The following MPP7 variants were observed in gnomAD, a reference collection of about 807,000 sequenced individuals.
MPP7 encodes the protein MAGUK p55 scaffold protein 7.
Under a neutral mutation model 76.5 loss-of-function variants are expected in MPP7, and 60 were observed. That is an observed-to-expected ratio of 0.78 (90% CI 0.64 to 0.97). MPP7 has a LOEUF of 0.97. Ranked by LOEUF, MPP7 falls within the 50% of genes least tolerant of loss-of-function variation. The probability of loss-of-function intolerance (pLI) is 0.00; values close to 1 mark genes in which losing one functional copy is unlikely to be tolerated. For synonymous variants in MPP7, 237 were observed against 244.5 expected (o/e 0.97, Z 0.29); for missense variants, 641 against 694.0 (o/e 0.92, Z 0.86).
chr10:28,325,975 CAAAA>C (rs71281552), intron 2 of MPP7, among the ~76,000 whole-genome samples: 6 of 96,372 alleles, frequency 6.2e-5, no homozygotes, highest in Admixed American at 1.2e-4. Flanking sequence ...GACCTCATCT[CAAAA>C]AAAAAAAAAA....
intron 3 of MPP7, among the ~76,000 whole-genome samples, chr10:28,156,869 C>T (rs911991650): frequency 2.0e-5 from 3 of 152,152 alleles, no homozygotes; most frequent in Non-Finnish European, 4.4e-5. Context: ...CAGAATGAAA[C>T]CCTCACACAA....
intron 2 of MPP7, among the ~76,000 whole-genome samples, chr10:28,213,122 G>A (rs1838197422): frequency 6.6e-6 from 1 of 151,812 alleles, no homozygotes. Flanking sequence ...AATTTTTTTT[G>A]TAGTGACAGG....
chr10:28,182,184 C>A (rs1332145669), intron 3 of MPP7, among the ~76,000 whole-genome samples: 1 of 151,038 alleles, frequency 6.6e-6, no homozygotes. Context: ...ATAACCAAAG[C>A]AAAAAAAATA....
intron 2 of MPP7, among the ~76,000 whole-genome samples, chr10:28,316,796 C>G (rs1253303861): frequency 1.3e-5 from 2 of 152,210 alleles, no homozygotes; most frequent in Admixed American, 6.5e-5. Context: ...AAGTTTTCAG[C>G]AGCTCTTTCC....
chr10:28,279,667 T>C (rs566554797), intron 1 of MPP7, among the ~76,000 whole-genome samples: 1 of 150,574 alleles, frequency 6.6e-6, no homozygotes, highest in East Asian at 2.0e-4. Context: ...ATTGCGTCAC[T>C]GCACTCCAAC....
Position 28,148,777 on chromosome 10 carries a change from C to A in MPP7, c.234+1205G>T, listed in dbSNP as rs185352718. On this transcript the variant is annotated intron_variant, in intron 4 of 16. Transcript: ENST00000683449. ...TGGTTTATCATATTTATATAGCAGT[C>A]TCTAACTTTTTATAAAGGAATATTT... Among the ~76,000 whole-genome samples the A allele has an allele frequency of 6.5e-3, 990 of 152,182 alleles. 5 individuals carry two copies. The highest frequency in any genetic ancestry group is 9.9e-3 in the Non-Finnish European group (671 of 67,994).
intron 11 of MPP7, among the ~76,000 whole-genome samples, chr10:28,109,272 A>G (rs1358453294): frequency 6.6e-6 from 1 of 152,200 alleles, no homozygotes; most frequent in African/African-American, 2.4e-5. Flanking sequence ...TGGGCAACAG[A>G]GTGAGACTCC....
At chr10:28,161,015 T>C (rs529103419) in intron 3 of MPP7, among the ~76,000 whole-genome samples, 1 of 152,348 alleles carries the variant, frequency 6.6e-6, no homozygotes, top group Admixed American at 6.5e-5. Flanking sequence ...TTCATGCTTT[T>C]CATGCTGGCT....
chr10:28,273,994 T>A lies in MPP7; in HGVS notation c.-132+28867A>T, dbSNP rs376592401. Among the ~76,000 whole-genome samples, 11 of 152,106 alleles carry A rather than the reference T, an allele frequency of 7.2e-5. No homozygotes were observed. In the East Asian group the frequency reaches 1.6e-3, roughly 22 times the overall value. On this transcript the variant is annotated intron_variant, in intron 1 of 16. Coordinates refer to ENST00000683449, the MANE Select transcript of MPP7 (RefSeq NM_001318170.2). ...ACAAACAAAGGCTGGGCACGGTGGC[T>A]TATGCCTATAATCCCAGCACTTTGA...
upstream of MPP7, chr10:28,305,437 C>A (rs752421756): frequency 1.3e-5 from 2 of 151,798 alleles, no homozygotes; most frequent in Non-Finnish European, 2.9e-5. Context: ...TTAAGCCAAT[C>A]ATCAGGAATG....
At chr10:28,300,949 G>GAA (rs71523600) in intron 1 of MPP7, among the ~76,000 whole-genome samples, 21 of 108,540 alleles carry the variant, frequency 1.9e-4, no homozygotes, top group African/African-American at 3.1e-4. Context: ...CTCCACCTCA[G>GAA]AAAAAAAAAA....
intron 3 of MPP7, among the ~76,000 whole-genome samples, chr10:28,169,093 G>A (rs1836587837): frequency 6.6e-6 from 1 of 152,080 alleles, no homozygotes; most frequent in African/African-American, 2.4e-5. Context: ...GAGACTCTAT[G>A]ATAAAACTTG....
chr10:28,334,344 A>C (rs1834496937), intron 1 of MPP7: 1 of 152,222 alleles, frequency 6.6e-6, no homozygotes, highest in African/African-American at 2.4e-5. Context: ...GATATTATAC[A>C]TAAGAATAAC....
chr10:28,271,730 C>A (rs1327275917), intron 1 of MPP7, among the ~76,000 whole-genome samples: 1 of 152,150 alleles, frequency 6.6e-6, no homozygotes, highest in Admixed American at 6.5e-5. Context: ...AATCCCAGCA[C>A]TTTGGGAGGC....
At chr10:28,154,756 G>A (rs1490563034) in intron 3 of MPP7, among the ~76,000 whole-genome samples, 3 of 143,340 alleles carry the variant, frequency 2.1e-5, no homozygotes, top group African/African-American at 7.7e-5. Context: ...GGGGGGTGGT[G>A]GGGAAACTTG....
chr10:28,237,371 C>A (rs79453598), intron 2 of MPP7, among the ~76,000 whole-genome samples: 3,423 of 152,146 alleles, frequency 0.022, 61 homozygotes, highest in Middle Eastern at 0.048. Flanking sequence ...GGTCTGGCTT[C>A]CAAGTTAAGG....
At chr10:28,143,579 A>ATTAGGACCTCAATCGTGTGC (rs1564655549) in intron 5 of MPP7, among the ~76,000 whole-genome samples, 3 of 142,596 alleles carry the variant, frequency 2.1e-5, no homozygotes, top group Non-Finnish European at 4.9e-5. Context: ...GTGTATTCCT[A>ATTAGGACCTCAATCGTGTGC]TCTTTGTGGA....
At chr10:28,292,972 G>C (rs992260443) in intron 1 of MPP7, among the ~76,000 whole-genome samples, 12 of 143,304 alleles carry the variant, frequency 8.4e-5, no homozygotes, top group African/African-American at 2.6e-5. Context: ...GTTTGCCATA[G>C]AAGAAAATAC....
intron 13 of MPP7, 118 bp from the exon 14 acceptor site, chr10:28,059,861 A>T (rs556328961): frequency 4.3e-6 from 3 of 695,308 alleles, no homozygotes; most frequent in African/African-American, 1.8e-5. Context: ...AAATGTATTT[A>T]AAAAGCAAAT....
Sources: allele counts gnomAD v4.1 joint callset (sites outside exome capture counted in the v4.1 genomes callset), GRCh38; gene constraint gnomAD v4.1.1; transcripts MANE v1.5; gene names NCBI Gene and HGNC (gene_info 2026-07-23, HGNC 2026-07-21).